Variants in CCDC39 observed in about 807,000 individuals in gnomAD.
The protein encoded by CCDC39 is coiled-coil domain 39 molecular ruler complex subunit, also known as coiled-coil domain-containing protein 39.
A neutral mutation model predicts 121.0 loss-of-function variants in CCDC39; 113 were observed. The observed-to-expected ratio is 0.93, with a 90% confidence interval of 0.80 to 1.09. The LOEUF is 1.09. Ranked by LOEUF, CCDC39 falls within the 50% of genes least tolerant of loss-of-function variation. CCDC39 has a pLI of 0.00. For missense variants in CCDC39, 1,063 were observed against 1,074.7 expected (o/e 0.99, Z 0.15); for synonymous variants, 349 against 352.2 (o/e 0.99, Z 0.10).
In CCDC39 at chr3:180,679,473, GTGCCGCGGCAAT is replaced by G; in HGVS notation, c.-105_-94del. On this transcript the variant is annotated 5_prime_UTR_variant, in exon 1 of 20. Transcript: ENST00000476379. The surrounding 1 kb of genome is among the most constrained non-coding windows in gnomAD (Gnocchi z 4.0). ...CGCGTCAAGCCCAGGCACCTGCACA[GTGCCGCGGCAAT>G]TGCCGGGGGAGCCCTAGCAACCTTC... 1 of 1,202,426 alleles carries G rather than the reference GTGCCGCGGCAAT, an allele frequency of 8.3e-7. No homozygotes were observed. The highest frequency in any genetic ancestry group is 1.2e-6 in the Non-Finnish European group (1 of 805,632). The allele number at this position is 1,202,426 out of a possible 1,614,324, so 74.5% of individuals were successfully genotyped here.
At chr3:180,676,232 T>C (rs1304958248) in intron 1 of CCDC39, among the ~76,000 whole-genome samples, 4 of 152,168 alleles carry the variant, frequency 2.6e-5, no homozygotes, top group African/African-American at 9.7e-5. Flanking sequence ...AGAAAATTTT[T>C]GCAATCTACT....
rs890273015 is a variant in CCDC39, at chr3:180,668,487, A to G, written c.91-4501T>C. Among the ~76,000 whole-genome samples, 70 of 152,104 alleles carry G rather than the reference A, an allele frequency of 4.6e-4. 2 individuals carry two copies. The highest frequency in any genetic ancestry group is 5.9e-5 in the Non-Finnish European group (4 of 68,004). Reference sequence around the variant, plus strand: ...TTTCTTCCCTAATGGCTAGTTGTATATTATTATTCAGGGCCTCATATTATT... The same window carrying G: ...TTTCTTCCCTAATGGCTAGTTGTATGTTATTATTCAGGGCCTCATATTATT... On this transcript the variant is annotated intron_variant, in intron 1 of 19. Coordinates refer to ENST00000476379, the MANE Select transcript of CCDC39 (RefSeq NM_181426.2).
At chr3:180,669,204 G>A (rs1199590566) in intron 1 of CCDC39, among the ~76,000 whole-genome samples, 1 of 151,886 alleles carries the variant, frequency 6.6e-6, no homozygotes, top group Non-Finnish European at 1.5e-5. Context: ...GTGTTTGGCT[G>A]ATTTATTTAT....
At chr3:180,628,715 A>C (rs923879076) in intron 14 of CCDC39, among the ~76,000 whole-genome samples, 1 of 152,194 alleles carries the variant, frequency 6.6e-6, no homozygotes, top group Non-Finnish European at 1.5e-5. Context: ...GAATAAGTGT[A>C]TGTATTTTGT....
chr3:180,625,988 G>A (rs1439329350), intron 14 of CCDC39, among the ~76,000 whole-genome samples: 1 of 152,026 alleles, frequency 6.6e-6, no homozygotes, highest in Non-Finnish European at 1.5e-5. Context: ...GTTGGTAGTG[G>A]GAATGGTGGG....
intron 4 of CCDC39, among the ~76,000 whole-genome samples, chr3:180,660,360 A>G (rs1191354858): frequency 6.6e-6 from 1 of 152,154 alleles, no homozygotes; most frequent in Non-Finnish European, 1.5e-5. Context: ...CAGAGAATCT[A>G]TGAAACAGTC....
intron 6 of CCDC39, among the ~76,000 whole-genome samples, 172 bp downstream of exon 6, chr3:180,659,280 T>C (rs1033050746): frequency 2.0e-5 from 3 of 152,216 alleles, no homozygotes; most frequent in Non-Finnish European, 4.4e-5. Flanking sequence ...ATAATCTTCA[T>C]CACATTTCCA....
intron 14 of CCDC39, among the ~76,000 whole-genome samples, chr3:180,627,914 T>C (rs1717602631): frequency 6.6e-6 from 1 of 152,164 alleles, no homozygotes; most frequent in Admixed American, 6.5e-5. Context: ...GCAGATATAG[T>C]CAAGTTAAAT....
At chr3:180,675,124 T>C (rs1712158659) in intron 1 of CCDC39, among the ~76,000 whole-genome samples, 1 of 152,154 alleles carries the variant, frequency 6.6e-6, no homozygotes, top group Non-Finnish European at 1.5e-5. Context: ...CTTTTTTTGG[T>C]TGGTAAGCTA....
intron 13 of CCDC39, among the ~76,000 whole-genome samples, chr3:180,639,157 C>T (rs1717897955): frequency 1.3e-5 from 2 of 152,070 alleles, no homozygotes; most frequent in South Asian, 2.1e-4. Flanking sequence ...CTGCCTGCCA[C>T]CTGTTTTTAG....
chr3:180,667,001 A>C (rs2108432445), intron 1 of CCDC39, among the ~76,000 whole-genome samples: 1 of 152,294 alleles, frequency 6.6e-6, no homozygotes, highest in South Asian at 2.1e-4. Context: ...CCGAAATAAA[A>C]CATGCAATGG....
chr3:180,677,341 C>T (rs1403750603), intron 1 of CCDC39, among the ~76,000 whole-genome samples: 1 of 149,476 alleles, frequency 6.7e-6, no homozygotes, highest in Non-Finnish European at 1.5e-5. Context: ...GCGGTAAGGA[C>T]CATTAAAGCA....
chr3:180,618,826 G>T (rs181682400), intron 16 of CCDC39, among the ~76,000 whole-genome samples: 66 of 152,132 alleles, frequency 4.3e-4, no homozygotes, highest in African/African-American at 1.5e-3. Flanking sequence ...ATTTGGGTTG[G>T]TTCCAAGTCT....
Position 180,679,459 on chromosome 3 carries a change from C to T in CCDC39, c.-79G>A, listed in dbSNP as rs1560098032. ...GGGTGAGCAGCACCCGCGTCAAGCCCAGGCACCTGCACAGTGCCGCGGCAA... is the reference window on the plus strand; with the variant it reads ...GGGTGAGCAGCACCCGCGTCAAGCCTAGGCACCTGCACAGTGCCGCGGCAA... On this transcript the variant is annotated 5_prime_UTR_variant, in exon 1 of 20. Transcript: ENST00000476379. The surrounding 1 kb of genome is among the most constrained non-coding windows in gnomAD (Gnocchi z 4.0). The T allele has an allele frequency of 1.5e-6, 2 of 1,317,686 alleles. No homozygotes were observed. Among genetic ancestry groups the T allele is most frequent in the Admixed American group, 1.7e-5 (1 of 59,610 alleles). 81.6% of individuals were successfully genotyped at this position (1,317,686 alleles called of 1,614,324 possible).
Position 180,617,018 on chromosome 3 carries a change from T to G in CCDC39, c.2266-52A>C, listed in dbSNP as rs374694505. ...TTTTAGAATCAGAAATTGACTTTTA[T>G]AACTTGTCATTTATCAAGTATTCAT... On this transcript the variant is annotated intron_variant, in intron 16 of 19. Coordinates refer to ENST00000476379, the MANE Select transcript of CCDC39 (RefSeq NM_181426.2). 883 of 966,338 alleles carry G rather than the reference T, an allele frequency of 9.1e-4. 3 individuals carry two copies. Among genetic ancestry groups the G allele is most frequent in the Non-Finnish European group, 1.2e-3 (801 of 677,722 alleles). The allele number at this position is 966,338 out of a possible 1,614,324, so 59.9% of individuals were successfully genotyped here. A position where few individuals can be genotyped will look rare whatever the true frequency, so the allele number is the denominator to read the frequency against.
At chr3:180,627,877 G>C (rs1423505232) in intron 14 of CCDC39, among the ~76,000 whole-genome samples, 1 of 152,150 alleles carries the variant, frequency 6.6e-6, no homozygotes, top group Non-Finnish European at 1.5e-5. Context: ...ACCCCAGAAG[G>C]TGACCTTATT....
intron 1 of CCDC39, among the ~76,000 whole-genome samples, chr3:180,676,963 A>G (rs1169245565): frequency 1.3e-5 from 2 of 151,036 alleles, no homozygotes; most frequent in Admixed American, 1.3e-4. Context: ...ACTTGGATAC[A>G]GGAAGGGGAA....
At chr3:180,628,000 C>T (rs888583797) in intron 14 of CCDC39, among the ~76,000 whole-genome samples, 17 of 152,130 alleles carry the variant, frequency 1.1e-4, no homozygotes, top group Non-Finnish European at 5.9e-5. Context: ...AGAGGGAAAA[C>T]TGTGTGAAGA....
chr3:180,639,560 A>G (rs62292369), intron 13 of CCDC39, among the ~76,000 whole-genome samples: 19,835 of 152,106 alleles, frequency 0.13, 1,592 homozygotes, highest in Admixed American at 0.17. Flanking sequence ...TCTCGCTTAT[A>G]AGCAGGAGCT....
Sources: gnomAD v4.1 joint callset for allele counts (sites outside exome capture counted in the v4.1 genomes callset) on GRCh38, gnomAD v4.1.1 for gene constraint, Gnocchi (gnomAD v3.1) non-coding constraint, MANE v1.5 for transcripts, NCBI Gene and HGNC (gene_info 2026-07-23, HGNC 2026-07-21) for gene names.